Variants in EPB41 observed in about 807,000 individuals in gnomAD.
EPB41 encodes the protein protein 4.1.
EPB41 carries 65 observed loss-of-function variants against 108.0 expected under a neutral mutation model. That is an observed-to-expected ratio of 0.60 (90% CI 0.49 to 0.74). The LOEUF (loss-of-function observed/expected upper bound fraction) is 0.74. Ranked by LOEUF, EPB41 falls within the 30% of genes least tolerant of loss-of-function variation. EPB41 has a pLI of 0.00. For synonymous variants in EPB41, 336 were observed against 358.9 expected, an observed-to-expected ratio of 0.94 and a Z score of 0.72; for missense variants, 875 against 1,037.0, an observed-to-expected ratio of 0.84 and a Z score of 2.15.
rs149297904 is a variant in EPB41, at chr1:29,082,913, A to C, written c.2185-14894A>C. On this transcript the variant is annotated intron_variant, in intron 16 of 20. Coordinates refer to ENST00000343067, the MANE Select transcript of EPB41 (RefSeq NM_001376013.1). ...AAATTATAAAAACAATGTTTGACAG[A>C]TAATTATCATTGGCTAATTTCATTT... is the stretch of plus-strand genomic sequence containing the variant. Among the ~76,000 whole-genome samples, 690 of 152,348 alleles carry C rather than the reference A, an allele frequency of 4.5e-3. 4 individuals carry two copies. The highest frequency in any genetic ancestry group is 0.016 in the African/African-American group (653 of 41,578).
At chr1:28,890,947 G>T (rs1485175969) in intron 1 of EPB41, 2 of 985,350 alleles carry the variant, frequency 2.0e-6, no homozygotes, top group African/African-American at 3.5e-5. Flanking sequence ...TCTGAGCTCT[G>T]GGATCTTGAG....
intron 7 of EPB41, among the ~76,000 whole-genome samples, chr1:29,024,669 T>C (rs12136345): frequency 6.6e-6 from 1 of 150,954 alleles, no homozygotes; most frequent in Admixed American, 6.6e-5. Flanking sequence ...TAAATATAAA[T>C]AAAAAAAAAT....
chr1:28,908,274 G>C (rs59528531), intron 1 of EPB41, among the ~76,000 whole-genome samples: 66,590 of 149,880 alleles, frequency 0.44, 17,372 homozygotes, highest in East Asian at 0.85. Context: ...TGACGGCGGG[G>C]GCCTGTAATC....
intron 17 of EPB41, among the ~76,000 whole-genome samples, chr1:29,102,562 T>C (rs1665790752): frequency 6.6e-6 from 1 of 152,076 alleles, no homozygotes; most frequent in South Asian, 2.1e-4. Flanking sequence ...TTTTATAGCA[T>C]AGACATAGCC....
At chr1:28,943,970 A>G (rs2094399950) in intron 1 of EPB41, among the ~76,000 whole-genome samples, 1 of 152,252 alleles carries the variant, frequency 6.6e-6, no homozygotes, top group South Asian at 2.1e-4. Context: ...CTAAGTGTCC[A>G]TCAACAGATA....
At chr1:29,089,882 GA>G (rs1223424105) in intron 16 of EPB41, among the ~76,000 whole-genome samples, 1 of 152,122 alleles carries the variant, frequency 6.6e-6, no homozygotes, top group African/African-American at 2.4e-5. Context: ...CACGTTCAAG[GA>G]AGGTTTGAGA....
intron 17 of EPB41, among the ~76,000 whole-genome samples, chr1:29,102,176 A>T (rs1168932896): frequency 6.6e-6 from 1 of 152,244 alleles, no homozygotes; most frequent in Non-Finnish European, 1.5e-5. Context: ...TGTCACTACC[A>T]TGGAAACAAG....
chr1:29,058,910 A>G, intron 14 of EPB41, 58 bp downstream of exon 14: 2 of 1,387,030 alleles, frequency 1.4e-6, no homozygotes, highest in Non-Finnish European at 2.0e-6. Context: ...GCTGACTTAC[A>G]GTGCATTAAA....
intron 1 of EPB41, among the ~76,000 whole-genome samples, chr1:28,940,508 C>T (rs1308736064): frequency 3.3e-5 from 5 of 151,964 alleles, no homozygotes; most frequent in Non-Finnish European, 5.9e-5. Flanking sequence ...AAAAATTAGC[C>T]GGGCGTGGTG....
rs1671495822 is a variant in EPB41 at position 29,119,344 on chromosome 1, G to C, written c.*2532G>C. On this transcript the variant is annotated 3_prime_UTR_variant, in exon 21 of 21. Transcript: ENST00000343067. Reference sequence around the variant, plus strand: ...AACAGACTCTGTCCAGGTAGAAATGGTGAGGAGGGGGAAGAGAATTACATT... The same window carrying C: ...AACAGACTCTGTCCAGGTAGAAATGCTGAGGAGGGGGAAGAGAATTACATT... 1 of 152,768 alleles carries C rather than the reference G, an allele frequency of 6.5e-6. No homozygotes were observed. Among genetic ancestry groups the C allele is most frequent in the Admixed American group, 6.5e-5 (1 of 15,300 alleles). 9.5% of individuals were successfully genotyped at this position (152,768 alleles called of 1,614,324 possible).
chr1:28,943,264 T>A (rs1213432612), intron 1 of EPB41, among the ~76,000 whole-genome samples: 1 of 152,168 alleles, frequency 6.6e-6, no homozygotes, highest in Non-Finnish European at 1.5e-5. Context: ...TTGTGAAAGA[T>A]TCGAATAAAC....
chr1:29,036,126 G>A (rs1455902877), intron 10 of EPB41, among the ~76,000 whole-genome samples: 2 of 152,134 alleles, frequency 1.3e-5, no homozygotes, highest in African/African-American at 4.8e-5. Context: ...GCACCTGTCT[G>A]TGTATGGTAG....
Position 29,053,298 on chromosome 1 carries a change from A to G in EPB41, c.1831A>G (p.Thr611Ala), listed in dbSNP as rs758144060. The G allele has an allele frequency of 1.9e-5, 31 of 1,614,106 alleles. No homozygotes were observed. The East Asian group carries it at 6.9e-4, about 36-fold the overall frequency. ...ACCTGAGCAAGCTGAGCCAGAGCCC[A>G]CAGAAGCATGGAAGGTATGTCATCA... ...EPPEQAEPEPTEAWKVEKTHI... is the reference protein window; with the variant it reads ...EPPEQAEPEPAEAWKVEKTHI... The change falls in exon 12 of 21, where the codon ACA becomes GCA. Residue 611 changes from threonine to alanine, a missense_variant. Thr to Ala is a moderately conservative substitution (Grantham distance 58). Transcript: ENST00000343067.
At chr1:29,029,110 G>C (rs1411905181) in intron 7 of EPB41, among the ~76,000 whole-genome samples, 12 of 151,734 alleles carry the variant, frequency 7.9e-5, no homozygotes, top group Admixed American at 7.9e-4. Context: ...CATAAAATAG[G>C]AGTAATGTTA....
At chr1:29,024,838 C>G (rs953215069) in intron 7 of EPB41, among the ~76,000 whole-genome samples, 22 of 151,922 alleles carry the variant, frequency 1.4e-4, no homozygotes, top group Non-Finnish European at 2.9e-5. Flanking sequence ...AGAAATTGAG[C>G]AATAATGGAT....
chr1:28,953,669 A>G lies in EPB41; in HGVS notation c.-7-33762A>G, dbSNP rs74067241. On this transcript the variant is annotated intron_variant, in intron 1 of 20. Coordinates refer to ENST00000343067, the MANE Select transcript of EPB41 (RefSeq NM_001376013.1). The stretch of plus-strand genomic sequence containing the variant: ...CGTTTTCCAATGAAGGTGACATTAG[A>G]CTAATTTAATGATAAGACAAAACTA... 4.5e-3 allele frequency among the ~76,000 whole-genome samples: 684 copies of G among 152,370 alleles called. 7 individuals are homozygous for G. The highest frequency in any genetic ancestry group is 0.015 in the African/African-American group (635 of 41,582).
At chr1:29,045,694 T>C (rs987492620) in intron 11 of EPB41, among the ~76,000 whole-genome samples, 1 of 150,494 alleles carries the variant, frequency 6.6e-6, no homozygotes, top group Non-Finnish European at 1.5e-5. Flanking sequence ...GGTTTTTGGC[T>C]GGTTGCAGTG....
intron 7 of EPB41, among the ~76,000 whole-genome samples, chr1:29,022,599 T>C (rs1246782206): frequency 6.6e-6 from 1 of 151,192 alleles, no homozygotes; most frequent in Non-Finnish European, 1.5e-5. Flanking sequence ...TGGGCACCTG[T>C]AATCCCAGCT....
chr1:29,104,814 T>C (rs983559866), intron 17 of EPB41, among the ~76,000 whole-genome samples: 1 of 152,098 alleles, frequency 6.6e-6, no homozygotes, highest in East Asian at 1.9e-4. Context: ...GGTCTCGAAC[T>C]CCTGACCTCA....
Sources: gnomAD v4.1 joint callset for allele counts (sites outside exome capture counted in the v4.1 genomes callset) on GRCh38, gnomAD v4.1.1 for gene constraint, MANE v1.5 for transcripts, NCBI Gene and HGNC (gene_info 2026-07-23, HGNC 2026-07-21) for gene names.